SCAI: variants seen among roughly 807,000 people sequenced by gnomAD.
SCAI encodes protein SCAI.
In SCAI, 24 loss-of-function variants were observed where a neutral mutation model predicts 92.2. That is an observed-to-expected ratio of 0.26 (90% CI 0.19 to 0.37). The LOEUF is 0.37. SCAI is among the 10% of genes least tolerant of loss of function. The pLI, the probability that SCAI is intolerant of heterozygous loss-of-function variation, is 1.00. For synonymous variants in SCAI, 261 were observed against 258.6 expected, an observed-to-expected ratio of 1.01 and a Z score of -0.09; for missense variants, 450 against 736.2, an observed-to-expected ratio of 0.61 and a Z score of 4.50.
intron 3 of SCAI, among the ~76,000 whole-genome samples, chr9:125,044,143 C>A (rs1588173570): frequency 1.3e-5 from 2 of 152,058 alleles, no homozygotes; most frequent in African/African-American, 4.8e-5. Flanking sequence ...GATTCACAAG[C>A]CCCCTGCTGC....
chr9:125,126,315 C>T (rs1288028183), intron 2 of SCAI, among the ~76,000 whole-genome samples: 1 of 152,148 alleles, frequency 6.6e-6, no homozygotes, highest in East Asian at 1.9e-4. Flanking sequence ...TGGCTGTCTT[C>T]ACAACATGGC....
chr9:125,045,338 T>C (rs186151785), intron 3 of SCAI, among the ~76,000 whole-genome samples: 17 of 152,286 alleles, frequency 1.1e-4, no homozygotes, highest in Non-Finnish European at 1.9e-4. Context: ...AGTGCTGGGA[T>C]TATAGGCATG....
At chr9:125,119,900 C>G (rs1835123944) in intron 2 of SCAI, among the ~76,000 whole-genome samples, 1 of 152,226 alleles carries the variant, frequency 6.6e-6, no homozygotes, top group Non-Finnish European at 1.5e-5. Flanking sequence ...TTCAGTTTCC[C>G]TCTTACACAG....
intron 2 of SCAI, among the ~76,000 whole-genome samples, chr9:125,110,513 C>T (rs534650529): frequency 2.8e-4 from 43 of 152,220 alleles, no homozygotes; most frequent in Non-Finnish European, 5.1e-4. Context: ...AACAGCAATC[C>T]CCAATGTTGG....
chr9:125,063,946 G>T lies in SCAI; in HGVS notation c.99-7939C>A, dbSNP rs569068466. On this transcript the variant is annotated intron_variant, in intron 2 of 17. Coordinates refer to ENST00000336505, the MANE Select transcript of SCAI (RefSeq NM_001144877.3). ...GTCTTGTATTTTTAGTAGAGACGGG[G>T]TTTCACCATATTGGCCAGGCTGATC... is the stretch of plus-strand genomic sequence containing the variant. Among the ~76,000 whole-genome samples the T allele has an allele frequency of 4.1e-4, 62 of 152,176 alleles. 1 individual carries two copies. In the South Asian group the frequency reaches 0.012, roughly 30 times the overall value.
At chr9:125,009,184 C>G (rs1032201680) in intron 9 of SCAI, among the ~76,000 whole-genome samples, 1 of 151,896 alleles carries the variant, frequency 6.6e-6, no homozygotes, top group Admixed American at 6.6e-5. Flanking sequence ...ATAGAAGAAG[C>G]AGGATTGGAA....
chr9:125,021,477 C>T (rs1268164752), intron 6 of SCAI, among the ~76,000 whole-genome samples: 1 of 152,110 alleles, frequency 6.6e-6, no homozygotes, highest in Non-Finnish European at 1.5e-5. Flanking sequence ...CCTAGTTATA[C>T]TACTTCTTTG....
chr9:125,029,793 A>T (rs1197800637), intron 3 of SCAI, 54 bp from the exon 4 acceptor site: 1 of 1,090,818 alleles, frequency 9.2e-7, no homozygotes, highest in Non-Finnish European at 1.3e-6. Flanking sequence ...CTATTTGGAA[A>T]TTATGTCTTG....
At chr9:125,120,016 C>G (rs559808670) in intron 2 of SCAI, among the ~76,000 whole-genome samples, 8 of 152,256 alleles carry the variant, frequency 5.3e-5, no homozygotes, top group African/African-American at 1.9e-4. Context: ...TAGCCCTAAA[C>G]GTGACACGTC....
At chr9:125,141,708 C>G (rs1564139324) in intron 2 of SCAI, among the ~76,000 whole-genome samples, 1 of 152,122 alleles carries the variant, frequency 6.6e-6, no homozygotes, top group Non-Finnish European at 1.5e-5. Flanking sequence ...CAGTTAAGAG[C>G]TTAAGCTCTG....
Position 125,020,691 on chromosome 9 carries a change from A to G in SCAI, c.591T>C (p.Val197=), listed in dbSNP as rs776686331. 26 of 1,475,466 alleles carry G rather than the reference A, an allele frequency of 1.8e-5. No homozygotes were observed. The highest frequency in any genetic ancestry group is 2.3e-5 in the Non-Finnish European group (25 of 1,071,578). 91.4% of individuals were successfully genotyped at this position (1,475,466 alleles called of 1,614,324 possible). A position where few individuals can be genotyped will look rare whatever the true frequency, so the allele number is the denominator to read the frequency against. The part of the protein sequence containing the change: ...VVCLLLNKMD[V]VKDLVKELSD... ...TATTTACCTTTACCAGATCCTTTAC[A>G]ACATCCATTTTGTTGAGAAGAAGAC... The change falls in exon 7 of 18, where the codon GTT becomes GTC. Residue 197 remains valine, a synonymous_variant. Coordinates refer to ENST00000336505, the MANE Select transcript of SCAI (RefSeq NM_001144877.3).
At chr9:125,135,426 C>T (rs905423468) in intron 2 of SCAI, among the ~76,000 whole-genome samples, 1 of 151,942 alleles carries the variant, frequency 6.6e-6, no homozygotes, top group East Asian at 1.9e-4. Flanking sequence ...CCAAGGCAGG[C>T]GGATCAATTG....
At chr9:125,027,728 G>A (rs1246429374) in intron 5 of SCAI, among the ~76,000 whole-genome samples, 1 of 152,062 alleles carries the variant, frequency 6.6e-6, no homozygotes, top group Non-Finnish European at 1.5e-5. Flanking sequence ...TCACTAGGCT[G>A]GTCTCAAACT....
At chr9:124,984,621 T>A (rs1159867577) in intron 14 of SCAI, among the ~76,000 whole-genome samples, 1 of 152,200 alleles carries the variant, frequency 6.6e-6, no homozygotes, top group Non-Finnish European at 1.5e-5. Context: ...CCGGGGCAAC[T>A]ATAATAGCAT....
intron 2 of SCAI, among the ~76,000 whole-genome samples, chr9:125,065,212 G>A (rs1367357166): frequency 6.6e-6 from 1 of 150,960 alleles, no homozygotes; most frequent in Non-Finnish European, 1.5e-5. Flanking sequence ...TGACCCACGG[G>A]GGAAAAAAAA....
At chr9:124,969,255 T>C (rs961876872) in intron 17 of SCAI, among the ~76,000 whole-genome samples, 2 of 152,152 alleles carry the variant, frequency 1.3e-5, no homozygotes, top group African/African-American at 4.8e-5. Context: ...CATTGCACAG[T>C]TCTTTTACAT....
intron 14 of SCAI, among the ~76,000 whole-genome samples, chr9:124,980,243 T>C (rs1046595577): frequency 6.6e-6 from 1 of 151,994 alleles, no homozygotes; most frequent in Non-Finnish European, 1.5e-5. Context: ...AAAATGGACA[T>C]TGCTATTATT....
intron 2 of SCAI, among the ~76,000 whole-genome samples, chr9:125,087,829 C>G (rs1385366585): frequency 6.6e-6 from 1 of 152,168 alleles, no homozygotes. Context: ...GTTTTAAATA[C>G]GCATACTGAA....
At chr9:125,102,887 C>T (rs991284999) in intron 2 of SCAI, among the ~76,000 whole-genome samples, 4 of 152,144 alleles carry the variant, frequency 2.6e-5, no homozygotes, top group Admixed American at 6.5e-5. Context: ...CGTGAGGCAC[C>T]GCGCCCAGCC....
Sources: allele counts gnomAD v4.1 joint callset (sites outside exome capture counted in the v4.1 genomes callset), GRCh38; gene constraint gnomAD v4.1.1; transcripts MANE v1.5; gene names NCBI Gene and HGNC (gene_info 2026-07-23, HGNC 2026-07-21).